TTC27: variants seen among roughly 807,000 people sequenced by gnomAD.
The protein encoded by TTC27 is tetratricopeptide repeat protein 27.
TTC27 carries 79 observed loss-of-function variants against 115.9 expected under a neutral mutation model. The ratio of observed to expected loss-of-function variants is 0.68; its 90% CI spans 0.57 to 0.82. The LOEUF is 0.82. TTC27 is among the 40% of genes least tolerant of loss of function. The pLI, the probability that TTC27 is intolerant of heterozygous loss-of-function variation, is 0.00. For synonymous variants in TTC27, 401 were observed against 356.0 expected (o/e 1.13, Z -1.42); for missense variants, 1,054 against 993.1 (o/e 1.06, Z -0.82).
At chr2:32,664,691 G>T (rs111955846) in intron 6 of TTC27, among the ~76,000 whole-genome samples, 7 of 152,110 alleles carry the variant, frequency 4.6e-5, no homozygotes, top group African/African-American at 1.4e-4. Flanking sequence ...CTGTTTAGCC[G>T]TGTTAGTAAT....
At chr2:32,720,355 A>G (rs1314684240) in intron 10 of TTC27, among the ~76,000 whole-genome samples, 1 of 152,224 alleles carries the variant, frequency 6.6e-6, no homozygotes, top group Non-Finnish European at 1.5e-5. Context: ...GAATTAGAAA[A>G]ATAGAATTTT....
In TTC27 at chr2:32,698,572, C is replaced by T. The variant is rs539243719; in HGVS notation, c.1120-4235C>T. On this transcript the variant is annotated intron_variant, in intron 9 of 19. Transcript: ENST00000317907. ...TCAGCTCACTGCAAGCTCCGCCTCC[C>T]GGGTTCACGCCATTCTCCTGCCTCA... 9.5e-3 allele frequency among the ~76,000 whole-genome samples: 1,434 copies of T among 151,350 alleles called. 17 individuals are homozygous for T. The highest frequency in any genetic ancestry group is 0.034 in the African/African-American group (1,386 of 41,224).
intron 10 of TTC27, among the ~76,000 whole-genome samples, chr2:32,720,699 C>A (rs976071025): frequency 1.3e-5 from 2 of 152,044 alleles, no homozygotes; most frequent in Non-Finnish European, 2.9e-5. Context: ...CTATGTGCTC[C>A]TAAGAAGTAA....
intron 12 of TTC27, among the ~76,000 whole-genome samples, chr2:32,739,476 A>G (rs535616246): frequency 6.6e-6 from 1 of 152,256 alleles, no homozygotes; most frequent in East Asian, 1.9e-4. Flanking sequence ...TGTGATGATT[A>G]TTATTTTTTT....
chr2:32,780,572 T>G (rs1304749292), intron 14 of TTC27, among the ~76,000 whole-genome samples: 1 of 152,108 alleles, frequency 6.6e-6, no homozygotes, highest in African/African-American at 2.4e-5. Flanking sequence ...CCCGATTAGC[T>G]GGGATTACAG....
intron 4 of TTC27, among the ~76,000 whole-genome samples, chr2:32,645,921 T>C (rs562650710): frequency 3.9e-5 from 6 of 152,082 alleles, no homozygotes; most frequent in African/African-American, 7.2e-5. Flanking sequence ...ATTTTCACCA[T>C]GTTGGTCAGG....
At chr2:32,649,221 A>G (rs948183009) in intron 4 of TTC27, among the ~76,000 whole-genome samples, 26 of 152,254 alleles carry the variant, frequency 1.7e-4, no homozygotes, top group African/African-American at 5.8e-4. Flanking sequence ...TGTGGAAGCA[A>G]TCTTCTCAGA....
intron 10 of TTC27, among the ~76,000 whole-genome samples, chr2:32,733,486 A>C (rs1482265748): frequency 6.6e-6 from 1 of 152,244 alleles, no homozygotes; most frequent in Non-Finnish European, 1.5e-5. Context: ...GCCATGGTCA[A>C]AGTGGCATTA....
chr2:32,754,741 C>T (rs1396385783), intron 12 of TTC27, among the ~76,000 whole-genome samples: 4 of 150,856 alleles, frequency 2.7e-5, no homozygotes, highest in Non-Finnish European at 5.9e-5. Flanking sequence ...GCGTCTCTCA[C>T]CTCCCGGACG....
intron 16 of TTC27, among the ~76,000 whole-genome samples, chr2:32,788,314 G>A (rs1670415299): frequency 6.6e-6 from 1 of 152,172 alleles, no homozygotes; most frequent in South Asian, 2.1e-4. Context: ...GCATTCTTTA[G>A]AATCACACAC....
chr2:32,638,752 A>G (rs1211736905), intron 3 of TTC27, among the ~76,000 whole-genome samples: 1 of 152,166 alleles, frequency 6.6e-6, no homozygotes, highest in East Asian at 1.9e-4. Context: ...TATTCAAAAT[A>G]CTCAGTATTG....
chr2:32,703,382 G>C (rs1667257586), intron 10 of TTC27, among the ~76,000 whole-genome samples: 1 of 152,114 alleles, frequency 6.6e-6, no homozygotes, highest in Non-Finnish European at 1.5e-5. Flanking sequence ...CAGGAGAATC[G>C]CTTGAACCCT....
chr2:32,773,944 AC>A (rs952177245), intron 13 of TTC27, among the ~76,000 whole-genome samples: 3 of 152,192 alleles, frequency 2.0e-5, no homozygotes, highest in Non-Finnish European at 4.4e-5. Flanking sequence ...GCCATGTGTG[AC>A]AATGGACACT....
In TTC27 at chr2:32,730,874, G is replaced by A. The variant is rs185180891; in HGVS notation, c.1234-2954G>A. ...TCACCTTAAGTGATCCTCCCACCTC[G>A]GCCTCCCAAAGTGCTGGGATTACAG... On this transcript the variant is annotated intron_variant, in intron 10 of 19. Coordinates refer to ENST00000317907, the MANE Select transcript of TTC27 (RefSeq NM_017735.5). 4.6e-5 allele frequency among the ~76,000 whole-genome samples: 7 copies of A among 151,832 alleles called. No individual in the cohort carries two copies. The East Asian group carries it at 9.8e-4, about 21-fold the overall frequency.
intron 5 of TTC27, among the ~76,000 whole-genome samples, chr2:32,657,041 A>G (rs553138738): frequency 6.8e-6 from 1 of 147,966 alleles, no homozygotes; most frequent in African/African-American, 2.5e-5. Context: ...GCTGGAGTAC[A>G]GTGGCACGAT....
intron 9 of TTC27, among the ~76,000 whole-genome samples, chr2:32,695,643 C>G (rs1559209833): frequency 6.6e-6 from 1 of 150,604 alleles, no homozygotes; most frequent in Middle Eastern, 3.2e-3. Context: ...CACTTAAACC[C>G]TGGAGGCGGA....
At chr2:32,727,017 C>T (rs1001819233) in intron 10 of TTC27, among the ~76,000 whole-genome samples, 4 of 152,182 alleles carry the variant, frequency 2.6e-5, no homozygotes, top group African/African-American at 7.2e-5. Flanking sequence ...AACTTGCCCC[C>T]GTGATTCAAT....
intron 10 of TTC27, among the ~76,000 whole-genome samples, chr2:32,712,756 G>C (rs1162686376): frequency 6.6e-6 from 1 of 151,810 alleles, no homozygotes; most frequent in East Asian, 1.9e-4. Flanking sequence ...CACATTACCC[G>C]GGCTGGTCTT....
chr2:32,688,392 G>T (rs563732107), intron 9 of TTC27, among the ~76,000 whole-genome samples: 1 of 152,008 alleles, frequency 6.6e-6, no homozygotes, highest in African/African-American at 2.4e-5. Context: ...GACACTAAGC[G>T]CATGAACCAT....
Sources: gnomAD v4.1 joint callset for allele counts (sites outside exome capture counted in the v4.1 genomes callset) on GRCh38, gnomAD v4.1.1 for gene constraint, MANE v1.5 for transcripts, NCBI Gene and HGNC (gene_info 2026-07-23, HGNC 2026-07-21) for gene names.